The following HTR4 variants were observed in gnomAD, a reference collection of about 807,000 sequenced individuals.
HTR4 encodes 5-hydroxytryptamine receptor 4.
In HTR4, 16 loss-of-function variants were observed where a neutral mutation model predicts 36.8. The observed-to-expected ratio is 0.43, with a 90% CI of 0.29 to 0.66. The LOEUF (loss-of-function observed/expected upper bound fraction) is 0.66. Ranked by LOEUF, HTR4 falls within the 30% of genes least tolerant of loss-of-function variation. The probability of loss-of-function intolerance (pLI) is 0.13; values close to 1 mark genes in which losing one functional copy is unlikely to be tolerated. For missense variants in HTR4, 438 were observed against 490.9 expected (o/e 0.89, Z 1.02); for synonymous variants, 189 against 185.1 (o/e 1.02, Z -0.17).
intron 2 of HTR4, among the ~76,000 whole-genome samples, chr5:148,584,071 A>T (rs886274848): frequency 1.3e-5 from 2 of 152,166 alleles, no homozygotes; most frequent in Non-Finnish European, 2.9e-5. Flanking sequence ...TTTAGTGGAG[A>T]AAGGTAATAC....
chr5:148,553,512 T>C (rs1759797632), intron 2 of HTR4, among the ~76,000 whole-genome samples: 1 of 152,332 alleles, frequency 6.6e-6, no homozygotes, highest in South Asian at 2.1e-4. Flanking sequence ...GTGACTCTGA[T>C]GTGTAATGAA....
At chr5:148,467,265 T>A in intron 5 of HTR4, among the ~76,000 whole-genome samples, 1 of 152,342 alleles carries the variant, frequency 6.6e-6, no homozygotes, top group South Asian at 2.1e-4. Flanking sequence ...ATCACCAATA[T>A]CTGGCATATA....
chr5:148,643,738 G>C (rs1753793906), intron 1 of HTR4, among the ~76,000 whole-genome samples: 1 of 152,132 alleles, frequency 6.6e-6, no homozygotes, highest in Non-Finnish European at 1.5e-5. Context: ...AGGAGAAATG[G>C]GTGCAAGGCT....
At chr5:148,522,475 T>G (rs1389690445) in intron 5 of HTR4, among the ~76,000 whole-genome samples, 2 of 152,176 alleles carry the variant, frequency 1.3e-5, no homozygotes, top group African/African-American at 4.8e-5. Flanking sequence ...ATCTGAGAAA[T>G]GGGGGAAATA....
At chr5:148,641,929 A>T (rs1025191633) in intron 1 of HTR4, among the ~76,000 whole-genome samples, 1 of 152,168 alleles carries the variant, frequency 6.6e-6, no homozygotes, top group Non-Finnish European at 1.5e-5. Context: ...AATAGTCCCC[A>T]CCTACTGGAA....
chr5:148,506,141 C>A (rs769785875), intron 6 of HTR4, among the ~76,000 whole-genome samples: 2 of 152,032 alleles, frequency 1.3e-5, no homozygotes, highest in African/African-American at 2.4e-5. Context: ...AGGCTACAGT[C>A]AGCAAAACAG....
chr5:148,643,157 T>C (rs1385641507), intron 1 of HTR4, among the ~76,000 whole-genome samples: 1 of 152,176 alleles, frequency 6.6e-6, no homozygotes, highest in Non-Finnish European at 1.5e-5. Flanking sequence ...TACGTACAAT[T>C]AGGATGCAAA....
intron 2 of HTR4, among the ~76,000 whole-genome samples, chr5:148,599,333 A>G (rs1450291092): frequency 2.6e-5 from 4 of 152,186 alleles, no homozygotes; most frequent in African/African-American, 9.7e-5. Context: ...CACAAAATAA[A>G]AAGAAAAATC....
Position 148,482,391 on chromosome 5 carries a change from G to A in HTR4, c.*812C>T. ...AAGACGTCCCGTTCTAGCCCAGCAG[G>A]AGAGCGAGCATCTCAGGGCAGACAC... On this transcript the variant is annotated 3_prime_UTR_variant, in exon 7 of 7. Coordinates refer to ENST00000377888, the MANE Select transcript of HTR4 (RefSeq NM_000870.7). 1 of 985,642 alleles carries A rather than the reference G, an allele frequency of 1.0e-6. No individual in the cohort carries two copies. The highest frequency in any genetic ancestry group is 1.2e-6 in the Non-Finnish European group (1 of 830,102). The allele number at this position is 985,642 out of a possible 1,614,324, so 61.1% of individuals were successfully genotyped here. A position where few individuals can be genotyped will look rare whatever the true frequency, so the allele number is the denominator to read the frequency against.
At position 148,574,406 on chromosome 5, in the gene HTR4, T is replaced by G. The variant is rs138163325; in HGVS notation, c.27-24144A>C. Among the ~76,000 whole-genome samples the G allele has an allele frequency of 1.4e-4, 21 of 151,998 alleles. No individual in the cohort carries two copies. The East Asian group carries it at 1.6e-3, about 11-fold the overall frequency. On this transcript the variant is annotated intron_variant, in intron 2 of 6. Coordinates refer to ENST00000377888, the MANE Select transcript of HTR4 (RefSeq NM_000870.7). ...CTCTCGCGCGCTCTCTCTCTCTCTC[T>G]CTCACTCACACACACACGTGACAGA...
At chr5:148,507,801 A>G (rs530501078) in intron 6 of HTR4, among the ~76,000 whole-genome samples, 49 of 152,328 alleles carry the variant, frequency 3.2e-4, no homozygotes, top group African/African-American at 1.1e-3. Flanking sequence ...TAGCAAATGT[A>G]TTACCAGAGC....
intron 5 of HTR4, among the ~76,000 whole-genome samples, chr5:148,520,094 C>A (rs1279680018): frequency 6.6e-6 from 1 of 152,130 alleles, no homozygotes; most frequent in Non-Finnish European, 1.5e-5. Flanking sequence ...GGAACCTAAT[C>A]CTGTGTTTTC....
At position 148,509,832 on chromosome 5, in the gene HTR4, C is replaced by T; in HGVS notation, c.700G>A (p.Ala234Thr). Residue 234 changes from alanine (A) to threonine (T), a missense_variant, in exon 6 of 7, where the codon GCC becomes ACC. By Grantham distance (58) the Ala-to-Thr change is moderately conservative (BLOSUM62 0). Coordinates refer to ENST00000377888, the MANE Select transcript of HTR4 (RefSeq NM_000870.7). ...HQIQMLQRAG[A>T]SSESRPQSAD... ...GACTGAGGCCTGCTCTCGGAGGAGGCTCCTGCCCGTTGTAACATCTGGATC... is the reference window on the plus strand; with the variant it reads ...GACTGAGGCCTGCTCTCGGAGGAGGTTCCTGCCCGTTGTAACATCTGGATC... The T allele has an allele frequency of 1.9e-6, 3 of 1,613,976 alleles. No homozygotes were observed. The highest frequency in any genetic ancestry group is 2.5e-6 in the Non-Finnish European group (3 of 1,179,988).
chr5:148,550,143 TG>T lies in HTR4; in HGVS notation c.145del (p.Gln49SerfsTer5). The T allele has an allele frequency of 6.2e-7, 1 of 1,614,074 alleles. No homozygotes were observed. On this transcript the variant is annotated frameshift_variant, in exon 3 of 7. Transcript: ENST00000377888. LOFTEE classifies it high-confidence loss of function. Reference sequence around the variant, plus strand: ...GTTCCCTCCTGCTGCTCACCTGAGCTGCCTGTCCCAGCACACAGCCACCATC... The same window carrying T: ...GTTCCCTCCTGCTGCTCACCTGAGCTCCTGTCCCAGCACACAGCCACCATC... ...LVMVAVCWDRQLRKIKTNYFI... is the reference protein window; with the variant it reads ...LVMVAVCWDRXLRKIKTNYFI...
At chr5:148,574,086 C>T (rs1052131948) in intron 2 of HTR4, among the ~76,000 whole-genome samples, 1 of 151,998 alleles carries the variant, frequency 6.6e-6, no homozygotes, top group Admixed American at 6.6e-5. Flanking sequence ...CTCCTTTTCC[C>T]GCAGGAGGGC....
At chr5:148,478,217 G>A (rs550371946), downstream of HTR4, among the ~76,000 whole-genome samples, 28 of 152,244 alleles carry the variant, frequency 1.8e-4, no homozygotes, top group African/African-American at 5.3e-4. Flanking sequence ...ATCACCTAGC[G>A]CACAGTAAGT....
intron 2 of HTR4, among the ~76,000 whole-genome samples, chr5:148,630,566 C>T (rs66924363): frequency 0.032 from 4,804 of 152,184 alleles, 111 homozygotes; most frequent in Non-Finnish European, 0.051. Flanking sequence ...GATAAATATT[C>T]AAACAATTTA....
chr5:148,635,498 G>A (rs1365525171), intron 2 of HTR4, among the ~76,000 whole-genome samples: 2 of 152,096 alleles, frequency 1.3e-5, no homozygotes, highest in African/African-American at 2.4e-5. Flanking sequence ...ACAGCACCCA[G>A]GAGAATGGCT....
intron 2 of HTR4, among the ~76,000 whole-genome samples, chr5:148,572,748 A>G (rs1365741986): frequency 6.6e-6 from 1 of 151,948 alleles, no homozygotes; most frequent in Admixed American, 6.6e-5. Context: ...AGTACTCTTG[A>G]CTCCAGTAAT....
Sources: gnomAD v4.1 joint callset for allele counts (sites outside exome capture counted in the v4.1 genomes callset) on GRCh38, gnomAD v4.1.1 for gene constraint, MANE v1.5 for transcripts, NCBI Gene and HGNC (gene_info 2026-07-23, HGNC 2026-07-21) for gene names.